UNC13B: variants seen among roughly 807,000 people sequenced by gnomAD.
UNC13B encodes protein unc-13 homolog B.
UNC13B carries 144 observed loss-of-function variants against 211.0 expected under a neutral mutation model. The ratio of observed to expected loss-of-function variants is 0.68; its 90% CI spans 0.60 to 0.78. The LOEUF is 0.78. Among genes scored for constraint, UNC13B ranks in the 30% least tolerant of loss-of-function variants. UNC13B has a pLI of 0.00. For synonymous variants in UNC13B, 709 were observed against 725.8 expected, an observed-to-expected ratio of 0.98 and a Z score of 0.37; for missense variants, 1,777 against 2,002.0, an observed-to-expected ratio of 0.89 and a Z score of 2.14.
chr9:35,260,064 A>AAAAG (rs1827184342), intron 7 of UNC13B, among the ~76,000 whole-genome samples: 3 of 149,526 alleles, frequency 2.0e-5, no homozygotes, highest in South Asian at 4.3e-4. Flanking sequence ...AAAAAAAAAA[A>AAAAG]CCAAGTGTGA....
At chr9:35,353,446 C>T in intron 11 of UNC13B, 6 of 1,232,300 alleles carry the variant, frequency 4.9e-6, no homozygotes, top group Non-Finnish European at 6.1e-6. Flanking sequence ...CCCAGGATTG[C>T]TCACTGGAGA....
chr9:35,379,806 A>G (rs1172541207), intron 17 of UNC13B, among the ~76,000 whole-genome samples: 1 of 152,206 alleles, frequency 6.6e-6, no homozygotes, highest in Non-Finnish European at 1.5e-5. Flanking sequence ...ACATAAGAAC[A>G]TAGGGAAAGT....
At position 35,368,391 on chromosome 9, in the gene UNC13B, G is replaced by A. The variant is rs546376237; in HGVS notation, c.9461+1398G>A. 2.0e-4 allele frequency among the ~76,000 whole-genome samples: 30 copies of A among 152,244 alleles called. No homozygotes were observed. In the South Asian group the frequency reaches 5.2e-3, roughly 26 times the overall value. ...ATGTTCCTGCAAAGGACATGATCTCGTTCTTTTTTATGGCCACATAGTATT... is the reference window on the plus strand; with the variant it reads ...ATGTTCCTGCAAAGGACATGATCTCATTCTTTTTTATGGCCACATAGTATT... On this transcript the variant is annotated intron_variant, in intron 12 of 39. Coordinates refer to ENST00000635942, the MANE Select transcript of UNC13B (RefSeq NM_001371189.2).
At chr9:35,163,438 G>T (rs557216799) in intron 1 of UNC13B, among the ~76,000 whole-genome samples, 1 of 152,264 alleles carries the variant, frequency 6.6e-6, no homozygotes, top group Non-Finnish European at 1.5e-5. Context: ...AATGGATTTG[G>T]CCATTTCCCG....
chr9:35,218,531 C>T (rs1353892110), intron 1 of UNC13B, among the ~76,000 whole-genome samples: 1 of 151,222 alleles, frequency 6.6e-6, no homozygotes, highest in Non-Finnish European at 1.5e-5. Flanking sequence ...CTCCCAGGCT[C>T]CATTTTTATT....
chr9:35,378,005 G>T (rs576103068), intron 16 of UNC13B, among the ~76,000 whole-genome samples: 2 of 152,068 alleles, frequency 1.3e-5, no homozygotes, highest in Admixed American at 6.5e-5. Context: ...AGGGGACCAG[G>T]GAGTAGCTAA....
In UNC13B at chr9:35,382,406, G is replaced by A. The variant is rs1370540832; in HGVS notation, c.10705G>A (p.Val3569Met). 2.5e-6 allele frequency: 4 copies of A among 1,614,154 alleles called. No individual in the cohort carries two copies. The highest frequency in any genetic ancestry group is 2.2e-5 in the East Asian group (1 of 44,884). ...GTACATGTGTCCTGGTGTGCCAGCA[G>A]TGATGAGCACCTTACTGGCCAACAT... ...SKYMCPGVPAVMSTLLANINA... is the reference protein window; with the variant it reads ...SKYMCPGVPAMMSTLLANINA... Residue 3569 changes from valine to methionine, a missense_variant, in exon 21 of 40, where the codon GTG becomes ATG. Transcript: ENST00000635942.
intron 11 of UNC13B, among the ~76,000 whole-genome samples, chr9:35,333,082 A>G (rs1185351017): frequency 6.6e-6 from 1 of 152,068 alleles, no homozygotes; most frequent in African/African-American, 2.4e-5. Context: ...ACATGGATGT[A>G]AAAGTACACT....
chr9:35,281,769 G>T (rs1828509749), intron 7 of UNC13B, among the ~76,000 whole-genome samples: 1 of 152,150 alleles, frequency 6.6e-6, no homozygotes, highest in South Asian at 2.1e-4. Context: ...CCTCTCCCCA[G>T]ATCCTTGGCA....
chr9:35,199,441 T>C (rs1356757640), intron 1 of UNC13B, among the ~76,000 whole-genome samples: 1 of 152,152 alleles, frequency 6.6e-6, no homozygotes, highest in Non-Finnish European at 1.5e-5. Context: ...ATGGTTGAAC[T>C]AGTTTACAGT....
intron 1 of UNC13B, among the ~76,000 whole-genome samples, chr9:35,164,152 A>C (rs1412040552): frequency 6.6e-6 from 1 of 152,090 alleles, no homozygotes; most frequent in Non-Finnish European, 1.5e-5. Flanking sequence ...GAGCAGCTGG[A>C]ATTACAGGAG....
chr9:35,254,164 G>T (rs1242132010), intron 6 of UNC13B, among the ~76,000 whole-genome samples: 2 of 152,166 alleles, frequency 1.3e-5, no homozygotes, highest in African/African-American at 2.4e-5. Flanking sequence ...CAGTAAGCAA[G>T]AAATATAATA....
In UNC13B at chr9:35,307,461, CCA is replaced by C. The variant is rs1394477970; in HGVS notation, c.8060_8061del (p.Thr2687LysfsTer16). The C allele has an allele frequency of 8.8e-5, 35 of 399,004 alleles. No individual in the cohort carries two copies. Among genetic ancestry groups the C allele is most frequent in the Non-Finnish European group, 1.5e-4 (34 of 226,182 alleles). The allele number at this position is 399,004 out of a possible 1,614,324, so 24.7% of individuals were successfully genotyped here. ...CCAGAGCCAGCTATTCAAACTGCCT[CCA>C]CAAACCAAGACTTACTGGAGCTGCA... On this transcript the variant is annotated frameshift_variant, in exon 9 of 40. Transcript: ENST00000635942. LOFTEE classifies it high-confidence loss of function.
chr9:35,228,007 T>G lies in UNC13B; in HGVS notation c.23-8T>G. On this transcript the variant is annotated splice_polypyrimidine_tract_variant and splice_region_variant and intron_variant, in intron 1 of 39. Transcript: ENST00000635942. ...ATTCTTCATGGTATCCTCTTTTTTC[T>G]CTTGCAGTTAAAAGGGCCAAATTCC... The G allele has an allele frequency of 1.2e-6, 2 of 1,612,024 alleles. No homozygotes were observed. Among genetic ancestry groups the G allele is most frequent in the South Asian group, 2.2e-5 (2 of 90,590 alleles).
intron 6 of UNC13B, among the ~76,000 whole-genome samples, chr9:35,246,286 C>A (rs1168503655): frequency 2.6e-5 from 4 of 151,538 alleles, no homozygotes; most frequent in Non-Finnish European, 4.4e-5. Flanking sequence ...AAAATTTTCT[C>A]CCATTCTGTA....
At chr9:35,397,114 C>A in intron 28 of UNC13B, 53 bp from the exon 29 acceptor site, 1 of 1,608,870 alleles carries the variant, frequency 6.2e-7, no homozygotes, top group South Asian at 1.1e-5. Flanking sequence ...ACTCTACAAG[C>A]TTGGGAAAAG....
chr9:35,180,474 AATTT>A (rs1393653284), intron 1 of UNC13B, among the ~76,000 whole-genome samples: 1 of 152,098 alleles, frequency 6.6e-6, no homozygotes, highest in African/African-American at 2.4e-5. Flanking sequence ...ATTTTAATAC[AATTT>A]ATTCTTTTTT....
chr9:35,398,969 C>G lies in UNC13B; in HGVS notation c.12009C>G (p.Ala4003=), dbSNP rs1490254371. 2 of 1,614,202 alleles carry G rather than the reference C, an allele frequency of 1.2e-6. No individual in the cohort carries two copies. The highest frequency in any genetic ancestry group is 1.7e-6 in the Non-Finnish European group (2 of 1,180,036). The change falls in exon 33 of 40, where the codon GCC becomes GCG. Residue 4003 remains alanine (A), a synonymous_variant. Coordinates refer to ENST00000635942, the MANE Select transcript of UNC13B (RefSeq NM_001371189.2). ...GCACAGGGAATGCATCTCCAGACGCCAGGGCCTCAGCGGCTCAGGATGCAG... is the reference window on the plus strand; with the variant it reads ...GCACAGGGAATGCATCTCCAGACGCGAGGGCCTCAGCGGCTCAGGATGCAG... ...VRGTGNASPD[A]RASAAQDADS...
chr9:35,391,641 G>A (rs1279956932), intron 26 of UNC13B, among the ~76,000 whole-genome samples: 1 of 152,210 alleles, frequency 6.6e-6, no homozygotes, highest in Non-Finnish European at 1.5e-5. Context: ...CCAGGGAGGA[G>A]GTCATTGGTC....
Sources: allele counts gnomAD v4.1 joint callset (sites outside exome capture counted in the v4.1 genomes callset), GRCh38; gene constraint gnomAD v4.1.1; transcripts MANE v1.5; gene names NCBI Gene and HGNC (gene_info 2026-07-23, HGNC 2026-07-21).